WNK2: variants seen among roughly 807,000 people sequenced by gnomAD.
WNK2 encodes the protein serine/threonine-protein kinase WNK2.
In WNK2, 67 loss-of-function variants were observed where a neutral mutation model predicts 192.1. The observed-to-expected ratio is 0.35, with a 90% CI of 0.29 to 0.43. The LOEUF (loss-of-function observed/expected upper bound fraction) is 0.43, where lower values mean the gene tolerates loss of function less well. Among genes scored for constraint, WNK2 ranks in the 20% least tolerant of loss-of-function variants. The pLI, the probability that WNK2 is intolerant of heterozygous loss-of-function variation, is 1.00. For synonymous variants in WNK2, 1,439 were observed against 1,393.9 expected (o/e 1.03, Z -0.72); for missense variants, 2,698 against 3,089.7 (o/e 0.87, Z 3.01).
At chr9:93,250,644 G>A (rs1384599221) in intron 8 of WNK2, among the ~76,000 whole-genome samples, 1 of 152,194 alleles carries the variant, frequency 6.6e-6, no homozygotes, top group Non-Finnish European at 1.5e-5. Flanking sequence ...TTCTTAAACT[G>A]CCCACCAAGT....
At position 93,234,830 on chromosome 9, in the gene WNK2, C is replaced by T. The variant is rs113308587; in HGVS notation, c.1098C>T (p.Pro366=). Residue 366 remains proline, a synonymous_variant, in exon 5 of 30, where the codon CCC becomes CCT. Coordinates refer to ENST00000427277, the MANE Select transcript of WNK2 (RefSeq NM_006648.4). The part of the protein sequence containing the change: ...SVIGTPEFMA[P]EMYEEHYDES... Reference sequence around the variant, plus strand: ...CAGGTACTCCCGAGTTCATGGCGCCCGAGATGTACGAGGAGCACTACGATG... The same window carrying T: ...CAGGTACTCCCGAGTTCATGGCGCCTGAGATGTACGAGGAGCACTACGATG... 1.5e-4 allele frequency: 235 copies of T among 1,613,794 alleles called. No individual in the cohort carries two copies. In the African/African-American group the frequency reaches 2.1e-3, roughly 14 times the overall value.
intron 19 of WNK2, among the ~76,000 whole-genome samples, chr9:93,288,124 C>T (rs1441685961): frequency 6.6e-6 from 1 of 152,222 alleles, no homozygotes; most frequent in Non-Finnish European, 1.5e-5. Flanking sequence ...CACCGTCCTG[C>T]CACCTCTCAG....
chr9:93,185,147 G>A lies in WNK2; in HGVS notation c.218G>A (p.Arg73His). Reference sequence around the variant, plus strand: ...CCGCAGCCCCCGCAGCCCCTGCAGCGCCGGGTGCTTCTGCTCTGCAAGACG... The same window carrying A: ...CCGCAGCCCCCGCAGCCCCTGCAGCACCGGGTGCTTCTGCTCTGCAAGACG... ...PGPQPPQPLQ[R>H]RVLLLCKTRR... is the part of the protein sequence containing the mutation. The change falls in exon 2 of 30, where the codon CGC (arginine) becomes CAC (histidine). Residue 73 changes from arginine to histidine, a missense_variant. Arg to His is a conservative substitution (Grantham distance 29, BLOSUM62 0). This residue lies in a region of WNK2 where 260 missense variants were observed against 285.6 expected (regional missense o/e 0.91). Coordinates refer to ENST00000427277, the MANE Select transcript of WNK2 (RefSeq NM_006648.4). The A allele has an allele frequency of 7.7e-7, 1 of 1,294,652 alleles. No homozygotes were observed. Among genetic ancestry groups the A allele is most frequent in the Non-Finnish European group, 9.9e-7 (1 of 1,014,706 alleles). 80.2% of individuals were successfully genotyped at this position (1,294,652 alleles called of 1,614,324 possible).
chr9:93,203,067 A>T (rs947590746), intron 2 of WNK2, among the ~76,000 whole-genome samples: 15 of 146,784 alleles, frequency 1.0e-4, no homozygotes, highest in African/African-American at 3.6e-4. Flanking sequence ...AGAGCCCCAC[A>T]GGCCTTGTGG....
At chr9:93,234,778 G>T (rs1839523730) in intron 4 of WNK2, 30 bp from the exon 5 acceptor site, 2 of 1,602,152 alleles carry the variant, frequency 1.2e-6, no homozygotes, top group African/African-American at 1.3e-5. Flanking sequence ...GTGGCCAGCT[G>T]ACAGCTGCGT....
chr9:93,293,282 C>A, intron 23 of WNK2, 109 bp downstream of exon 23: 1 of 1,086,446 alleles, frequency 9.2e-7, no homozygotes, highest in Non-Finnish European at 1.2e-6. Context: ...AAGCAGCGCC[C>A]ACTTGGAGCT....
Position 93,308,422 on chromosome 9 carries a change from G to A in WNK2, c.6354G>A (p.Lys2118=). 6.2e-7 allele frequency: 1 copy of A among 1,605,136 alleles called. No individual in the cohort carries two copies. Among genetic ancestry groups the A allele is most frequent in the Non-Finnish European group, 8.5e-7 (1 of 1,176,556 alleles). Residue 2118 remains lysine (K), a synonymous_variant, in exon 28 of 30, where the codon AAG becomes AAA. Coordinates refer to ENST00000427277, the MANE Select transcript of WNK2 (RefSeq NM_006648.4). ...AGGTGAACAACAGCAACAACAAGAA[G>A]GGTACCTTCACGGACGACCTGCACA... ...QAQVNNSNNK[K]GTFTDDLHKL...
At chr9:93,278,066 C>T (rs1014465190) in intron 19 of WNK2, among the ~76,000 whole-genome samples, 4 of 151,620 alleles carry the variant, frequency 2.6e-5, no homozygotes, top group Non-Finnish European at 4.4e-5. Context: ...TTCAAGGCTT[C>T]GAACATCAGT....
At chr9:93,238,194 A>C (rs767269788) in intron 5 of WNK2, 39 bp from the exon 6 acceptor site, 1 of 1,600,378 alleles carries the variant, frequency 6.2e-7, no homozygotes, top group East Asian at 2.2e-5. Context: ...GCCTTCCGGC[A>C]GCCGATCGGG....
chr9:93,251,656 G>A (rs1197186984), intron 8 of WNK2, among the ~76,000 whole-genome samples: 2 of 152,170 alleles, frequency 1.3e-5, no homozygotes, highest in East Asian at 3.9e-4. Flanking sequence ...GCTGTAGTGA[G>A]CCGTGATCAC....
chr9:93,199,899 C>CAAAAAA lies in WNK2; in HGVS notation c.681+14296_681+14301dup, dbSNP rs59582411. ...GGCGACAGAGCAAGACTCTTTGTCT[C>CAAAAAA]AAAAAAAAAAAAGAAAACACAAAGC... On this transcript the variant is annotated intron_variant, in intron 2 of 29. Transcript: ENST00000427277. 8.2e-4 allele frequency among the ~76,000 whole-genome samples: 88 copies of CAAAAAA among 107,672 alleles called. 3 individuals are homozygous for CAAAAAA. Among genetic ancestry groups the CAAAAAA allele is most frequent in the South Asian group, 1.2e-3 (4 of 3,322 alleles). 70.6% of individuals were successfully genotyped at this position (107,672 alleles called of 152,430 possible).
At chr9:93,187,519 G>A (rs1387617415) in intron 2 of WNK2, among the ~76,000 whole-genome samples, 2 of 152,174 alleles carry the variant, frequency 1.3e-5, no homozygotes, top group African/African-American at 4.8e-5. Context: ...CTCTCTCTGT[G>A]CTGATCTGAG....
At chr9:93,223,065 A>G (rs531473698) in intron 2 of WNK2, among the ~76,000 whole-genome samples, 20 of 152,318 alleles carry the variant, frequency 1.3e-4, no homozygotes, top group African/African-American at 4.8e-4. Flanking sequence ...GTTGCTCAAG[A>G]TGAGGTTAAA....
chr9:93,266,421 A>C (rs550314337), intron 16 of WNK2, among the ~76,000 whole-genome samples: 536 of 152,300 alleles, frequency 3.5e-3, no homozygotes, highest in Non-Finnish European at 6.7e-3. Flanking sequence ...TTTTGTTTTC[A>C]AGTTAATTTT....
At chr9:93,234,720 T>C (rs979330703) in intron 4 of WNK2, 88 bp from the exon 5 acceptor site, 1 of 1,484,916 alleles carries the variant, frequency 6.7e-7, no homozygotes, top group African/African-American at 1.4e-5. Context: ...CATGGGGTTC[T>C]GGGCAGCCAA....
chr9:93,187,198 C>T (rs955733264), intron 2 of WNK2, among the ~76,000 whole-genome samples: 4 of 152,126 alleles, frequency 2.6e-5, no homozygotes, highest in African/African-American at 7.2e-5. Context: ...GCTGAGGCAT[C>T]GCAGGCGCAT....
intron 19 of WNK2, among the ~76,000 whole-genome samples, chr9:93,271,027 C>G (rs944426557): frequency 3.3e-5 from 5 of 152,128 alleles, no homozygotes; most frequent in African/African-American, 1.2e-4. Flanking sequence ...GAAAGTAACC[C>G]TATAAAGTTG....
intron 16 of WNK2, 75 bp downstream of exon 16, chr9:93,264,108 C>A: frequency 1.7e-6 from 2 of 1,164,486 alleles, no homozygotes; most frequent in Non-Finnish European, 2.5e-6. Context: ...CGCCACAGGT[C>A]ACATGTCGAG....
chr9:93,299,093 G>A lies in WNK2; in HGVS notation c.5947G>A (p.Gly1983Ser), dbSNP rs368517465. The change falls in exon 25 of 30, where the codon GGC becomes AGC. Residue 1983 changes from glycine to serine, a missense_variant. Gly to Ser is a moderately conservative substitution (Grantham distance 56). Coordinates refer to ENST00000427277, the MANE Select transcript of WNK2 (RefSeq NM_006648.4). Reference protein sequence around the residue: ...STGHLADSSRGPPAKDPAQAS... With the variant: ...STGHLADSSRSPPAKDPAQAS... The stretch of plus-strand genomic sequence containing the variant: ...AGGTCACTTGGCTGACTCCAGCAGA[G>A]GCCCTCCCGCTAAGGACCCTGCCCA... The A allele has an allele frequency of 6.2e-7, 1 of 1,610,846 alleles. No homozygotes were observed. The highest frequency in any genetic ancestry group is 2.0e-4 in the Middle Eastern group (1 of 5,054).
Sources: gnomAD v4.1 joint callset for allele counts (sites outside exome capture counted in the v4.1 genomes callset) on GRCh38, gnomAD v4.1.1 for gene constraint, gnomAD v4.1.1 regional missense constraint, MANE v1.5 for transcripts, NCBI Gene and HGNC (gene_info 2026-07-23, HGNC 2026-07-21) for gene names.